AOPEP: variants seen among roughly 807,000 people sequenced by gnomAD.
AOPEP encodes aminopeptidase O.
A neutral mutation model predicts 98.1 loss-of-function variants in AOPEP; 77 were observed. The observed-to-expected ratio is 0.78, with a 90% CI of 0.65 to 0.95. AOPEP has a LOEUF of 0.95. Among genes scored for constraint, AOPEP ranks in the 40% least tolerant of loss-of-function variants. The pLI is 0.00. For missense variants in AOPEP, 1,024 were observed against 1,024.7 expected (o/e 1.00, Z 0.01); for synonymous variants, 346 against 365.3 (o/e 0.95, Z 0.60).
the AOPEP span, among the ~76,000 whole-genome samples, chr9:95,105,213 A>G: frequency 6.6e-6 from 1 of 152,192 alleles, no homozygotes; most frequent in Non-Finnish European, 1.5e-5. Context: ...TCCTACCAGG[A>G]TGGAGACAAT....
chr9:94,982,147 T>G (rs894196812), intron 11 of AOPEP, among the ~76,000 whole-genome samples: 4 of 152,154 alleles, frequency 2.6e-5, no homozygotes, highest in Non-Finnish European at 5.9e-5. Context: ...TTTTTGGTTA[T>G]AGAAGAAGTA....
chr9:94,791,558 A>G (rs1845728417), intron 3 of AOPEP, among the ~76,000 whole-genome samples: 1 of 152,048 alleles, frequency 6.6e-6, no homozygotes, highest in Admixed American at 6.6e-5. Context: ...AGTCCCAGCT[A>G]CTTTGGAAGG....
In AOPEP at chr9:94,832,930, T is replaced by G. The variant is rs540218421; in HGVS notation, c.1364+31928T>G. Among the ~76,000 whole-genome samples, 4 of 151,074 alleles carry G rather than the reference T, an allele frequency of 2.6e-5. No homozygotes were observed. In the Admixed American group the frequency reaches 2.7e-4, roughly 10 times the overall value. On this transcript the variant is annotated intron_variant, in intron 5 of 16. Transcript: ENST00000375315. ...CCTCAGTATACTTTGCTTTGTAAAT[T>G]TGATTTTTTTTTTTTTTTTTGGTGA...
intron 5 of AOPEP, among the ~76,000 whole-genome samples, chr9:94,831,326 C>G (rs1367041170): frequency 6.6e-5 from 10 of 152,164 alleles, no homozygotes; most frequent in Admixed American, 6.5e-4. Flanking sequence ...TTCCCCATTG[C>G]TTGTTTTTGT....
At chr9:94,814,057 T>C (rs578159637) in intron 5 of AOPEP, among the ~76,000 whole-genome samples, 1 of 152,358 alleles carries the variant, frequency 6.6e-6, no homozygotes, top group Non-Finnish European at 1.5e-5. Context: ...AATATCTATG[T>C]TGAGCAGTGG....
chr9:94,853,510 C>G (rs1391612122), intron 5 of AOPEP, among the ~76,000 whole-genome samples: 1 of 152,114 alleles, frequency 6.6e-6, no homozygotes, highest in Non-Finnish European at 1.5e-5. Flanking sequence ...ACCTCACTCA[C>G]TGTGTACTGT....
At chr9:94,907,432 A>T (rs2051319652) in intron 5 of AOPEP, among the ~76,000 whole-genome samples, 1 of 152,144 alleles carries the variant, frequency 6.6e-6, no homozygotes, top group African/African-American at 2.4e-5. Flanking sequence ...GTGTGTACAC[A>T]GTGTTGGCCT....
intron 7 of AOPEP, among the ~76,000 whole-genome samples, chr9:94,947,942 C>T (rs2057803775): frequency 6.6e-6 from 1 of 152,228 alleles, no homozygotes; most frequent in East Asian, 1.9e-4. Flanking sequence ...GTTGATCCAG[C>T]CCACCCTTGT....
At chr9:95,133,334 T>C in the AOPEP span, among the ~76,000 whole-genome samples, 1 of 152,346 alleles carries the variant, frequency 6.6e-6, no homozygotes, top group East Asian at 1.9e-4. Context: ...ATCCTGCCAA[T>C]GCCACAATAA....
intron 5 of AOPEP, among the ~76,000 whole-genome samples, chr9:94,840,524 G>A (rs551058149): frequency 1.3e-5 from 2 of 152,316 alleles, no homozygotes; most frequent in South Asian, 4.1e-4. Context: ...GAGTTTGGAA[G>A]TATTCCCTTC....
Position 95,031,888 on chromosome 9 carries a change from G to A in AOPEP, c.2115+26272G>A, listed in dbSNP as rs146367899. ...TTTGTGGACCATGTGCCACAACTGA[G>A]GGGCTTTGATGTTGCAGAGCCCCCG... is the stretch of plus-strand genomic sequence containing the variant. On this transcript the variant is annotated intron_variant, in intron 13 of 16. Coordinates refer to ENST00000375315, the MANE Select transcript of AOPEP (RefSeq NM_001193329.3). 1.6e-3 allele frequency among the ~76,000 whole-genome samples: 247 copies of A among 152,278 alleles called. 1 individual carries two copies. Among genetic ancestry groups the A allele is most frequent in the African/African-American group, 5.5e-3 (230 of 41,554 alleles).
At chr9:95,137,961 A>C in the AOPEP span, among the ~76,000 whole-genome samples, 15 of 152,368 alleles carry the variant, frequency 9.8e-5, no homozygotes, top group African/African-American at 3.6e-4. Context: ...GACTGGCGGT[A>C]ACGGGAGTGA....
intron 1 of AOPEP, among the ~76,000 whole-genome samples, chr9:94,731,469 G>T (rs548977071): frequency 6.6e-6 from 1 of 151,744 alleles, no homozygotes; most frequent in South Asian, 2.1e-4. Context: ...CCCGTGATCC[G>T]CCTGCCTCAG....
intron 1 of AOPEP, among the ~76,000 whole-genome samples, chr9:94,731,223 T>C (rs1261572691): frequency 1.3e-5 from 2 of 151,888 alleles, no homozygotes; most frequent in East Asian, 3.9e-4. Context: ...AAGAGACTTA[T>C]CCAACTTGTT....
intron 1 of AOPEP, among the ~76,000 whole-genome samples, chr9:94,729,046 G>A (rs773912737): frequency 2.0e-4 from 31 of 151,554 alleles, no homozygotes; most frequent in Non-Finnish European, 4.1e-4. Flanking sequence ...GTCCAGGAAA[G>A]TTGGTGTCCC....
chr9:94,955,820 C>T (rs1379528476), intron 8 of AOPEP, 88 bp from the exon 9 acceptor site: 6 of 829,896 alleles, frequency 7.2e-6, no homozygotes, highest in Non-Finnish European at 1.2e-5. Context: ...CACAAGTGCA[C>T]TATGGGTTAG....
chr9:94,759,787 G>A lies in AOPEP; in HGVS notation c.4G>A (p.Asp2Asn). 1 of 1,612,180 alleles carries A rather than the reference G, an allele frequency of 6.2e-7. No individual in the cohort carries two copies. Among genetic ancestry groups the A allele is most frequent in the Non-Finnish European group, 8.5e-7 (1 of 1,179,122 alleles). Residue 2 changes from aspartate to asparagine, a missense_variant, in exon 2 of 17, where the codon GAC (aspartate) becomes AAC (asparagine). By Grantham distance (23) the Asp-to-Asn change is conservative. Coordinates refer to ENST00000375315, the MANE Select transcript of AOPEP (RefSeq NM_001193329.3). ...CCCTCAAACAATAAACCACATCATG[G>A]ACATACAGCTGGACCCTGCCAGAGA... is the stretch of plus-strand genomic sequence containing the variant. Reference protein sequence around the residue: MDIQLDPARDDL... With the variant: MNIQLDPARDDL...
chr9:94,933,655 TAA>T, intron 7 of AOPEP: 1 of 985,416 alleles, frequency 1.0e-6, no homozygotes, highest in Non-Finnish European at 1.2e-6. Context: ...ATAGCCAAAA[TAA>T]AGTCTGCATG....
At chr9:94,969,077 A>C (rs1473014406) in intron 10 of AOPEP, among the ~76,000 whole-genome samples, 1 of 152,198 alleles carries the variant, frequency 6.6e-6, no homozygotes, top group African/African-American at 2.4e-5. Flanking sequence ...TAGCCCAAGC[A>C]GTCTGGCTCT....
Sources: gnomAD v4.1 joint callset for allele counts (sites outside exome capture counted in the v4.1 genomes callset) on GRCh38, gnomAD v4.1.1 for gene constraint, MANE v1.5 for transcripts, NCBI Gene and HGNC (gene_info 2026-07-23, HGNC 2026-07-21) for gene names.